The following ARSG variants were observed in gnomAD, a reference collection of about 807,000 sequenced individuals.
ARSG encodes the protein arylsulfatase G, also known as ASG.
In ARSG, 37 loss-of-function variants were observed where a neutral mutation model predicts 50.5. The observed-to-expected ratio is 0.73, with a 90% CI of 0.56 to 0.96. The LOEUF (loss-of-function observed/expected upper bound fraction) is 0.96, where lower values mean the gene tolerates loss of function less well. Ranked by LOEUF, ARSG falls within the 50% of genes least tolerant of loss-of-function variation. The probability of loss-of-function intolerance (pLI) is 0.00; values close to 1 mark genes in which losing one functional copy is unlikely to be tolerated. For missense variants in ARSG, 629 were observed against 675.3 expected (o/e 0.93, Z 0.76); for synonymous variants, 225 against 254.6 (o/e 0.88, Z 1.11).
downstream of ARSG, chr17:68,427,106 G>T (rs1231107314): frequency 6.4e-7 from 1 of 1,567,520 alleles, no homozygotes. Context: ...TGTTGGAGAT[G>T]CTCCCCTGTT....
At chr17:68,401,606 C>T (rs1358678162) in intron 11 of ARSG, among the ~76,000 whole-genome samples, 156 bp downstream of exon 11, 3 of 152,202 alleles carry the variant, frequency 2.0e-5, no homozygotes, top group African/African-American at 4.8e-5. Flanking sequence ...CCCAGGGTCC[C>T]TGCACAGGCT....
chr17:68,319,737 T>A (rs575159776), intron 2 of ARSG, among the ~76,000 whole-genome samples: 2 of 152,328 alleles, frequency 1.3e-5, no homozygotes, highest in South Asian at 4.1e-4. Flanking sequence ...AAGGGACCGA[T>A]GGCCTGATGG....
At position 68,378,529 on chromosome 17, in the gene ARSG, C is replaced by T. The variant is rs910497263; in HGVS notation, c.983-6535C>T. ...GGGGTGAGGAGAAACGGAACTGGGG[C>T]GGGGGCAGAGCAAAGCAGCCCTGCC... is the stretch of plus-strand genomic sequence containing the variant. On this transcript the variant is annotated intron_variant, in intron 8 of 11. Coordinates refer to ENST00000621439, the MANE Select transcript of ARSG (RefSeq NM_001267727.2). The surrounding 1 kb of genome is among the most constrained non-coding windows in gnomAD (Gnocchi z 4.4). Among the ~76,000 whole-genome samples the T allele has an allele frequency of 1.1e-4, 16 of 152,154 alleles. No individual in the cohort carries two copies. The highest frequency in any genetic ancestry group is 1.0e-3 in the South Asian group (5 of 4,826).
At chr17:68,315,536 A>G (rs2077036256) in intron 2 of ARSG, among the ~76,000 whole-genome samples, 1 of 152,002 alleles carries the variant, frequency 6.6e-6, no homozygotes, top group Non-Finnish European at 1.5e-5. Context: ...CAAAAAAAAA[A>G]GGAGATTGGA....
At chr17:68,328,457 G>A (rs1230504684) in intron 2 of ARSG, among the ~76,000 whole-genome samples, 2 of 152,148 alleles carry the variant, frequency 1.3e-5, no homozygotes, top group Non-Finnish European at 2.9e-5. Context: ...ACCCAGGCTT[G>A]TCTTTCCGTG....
chr17:68,273,796 T>C (rs1291000094), intron 1 of ARSG: 18 of 1,121,128 alleles, frequency 1.6e-5, no homozygotes, highest in Non-Finnish European at 2.3e-5. Context: ...ACTACTGATC[T>C]GAGACACTGT....
At chr17:68,424,309 A>T (rs1568617513), downstream of ARSG, 1 of 427,272 alleles carries the variant, frequency 2.3e-6, no homozygotes, top group Non-Finnish European at 4.7e-6. Context: ...CGCAGAGCCG[A>T]TGTGGGAAAT....
downstream of ARSG, chr17:68,425,786 CA>C (rs2083128842): frequency 2.9e-6 from 1 of 343,910 alleles, no homozygotes; most frequent in Admixed American, 4.5e-5. Flanking sequence ...GCTACAGAAG[CA>C]AAGTAAGGGA....
chr17:68,451,723 C>T, the ARSG span, among the ~76,000 whole-genome samples: 1 of 152,150 alleles, frequency 6.6e-6, no homozygotes, highest in East Asian at 1.9e-4. Context: ...TGTACTCCCC[C>T]CACCCCCTAT....
intron 9 of ARSG, among the ~76,000 whole-genome samples, chr17:68,387,788 C>T (rs1395184975): frequency 6.6e-6 from 1 of 152,162 alleles, no homozygotes; most frequent in African/African-American, 2.4e-5. Flanking sequence ...GAGCTAAAGC[C>T]AGAGTCCCTT....
downstream of ARSG, chr17:68,421,813 A>G: frequency 6.2e-7 from 1 of 1,614,210 alleles, no homozygotes; most frequent in South Asian, 1.1e-5. Context: ...TCCACGGCAC[A>G]AGATTATCTA....
At chr17:68,364,042 C>T (rs1027099427) in intron 6 of ARSG, among the ~76,000 whole-genome samples, 6 of 152,156 alleles carry the variant, frequency 3.9e-5, no homozygotes, top group African/African-American at 1.4e-4. Flanking sequence ...CACCCAGGCA[C>T]CATCTGGGGA....
chr17:68,421,991 G>C (rs888115119), downstream of ARSG: 1 of 712,786 alleles, frequency 1.4e-6, no homozygotes. Context: ...AGCTTATTTA[G>C]GTGTAGACAA....
At chr17:68,318,043 G>A (rs1372944796) in intron 2 of ARSG, among the ~76,000 whole-genome samples, 5 of 152,046 alleles carry the variant, frequency 3.3e-5, no homozygotes, top group Non-Finnish European at 5.9e-5. Context: ...AGGTTGCAGT[G>A]AGCTGAGATT....
intron 8 of ARSG, among the ~76,000 whole-genome samples, chr17:68,380,976 A>G (rs1245853353): frequency 6.6e-6 from 1 of 152,202 alleles, no homozygotes; most frequent in Non-Finnish European, 1.5e-5. Flanking sequence ...AACCACTGAC[A>G]TCAGAATTAC....
chr17:68,448,012 A>G, the ARSG span, among the ~76,000 whole-genome samples: 3 of 151,386 alleles, frequency 2.0e-5, no homozygotes, highest in African/African-American at 7.3e-5. Flanking sequence ...AAAAAGATAA[A>G]AGGGATTTTG....
chr17:68,268,800 CAA>C (rs2075233559), intron 1 of ARSG: 2 of 352,484 alleles, frequency 5.7e-6, no homozygotes, highest in Non-Finnish European at 1.0e-5. Context: ...GAATGTGAAC[CAA>C]AGAGTCTTTC....
chr17:68,423,216 A>G (rs1182567089), downstream of ARSG, among the ~76,000 whole-genome samples: 2 of 152,232 alleles, frequency 1.3e-5, no homozygotes, highest in African/African-American at 4.8e-5. The surrounding 1 kb of genome is among the most constrained non-coding windows in gnomAD (Gnocchi z 4.4). Context: ...TGCAATAGGC[A>G]TGACAATTCA....
At chr17:68,329,093 C>T (rs769345760) in intron 2 of ARSG, among the ~76,000 whole-genome samples, 30 of 152,258 alleles carry the variant, frequency 2.0e-4, no homozygotes, top group Middle Eastern at 3.4e-3. Context: ...CGGGTGTAGC[C>T]GGGTCAGGGA....
Sources: gnomAD v4.1 joint callset for allele counts (sites outside exome capture counted in the v4.1 genomes callset) on GRCh38, gnomAD v4.1.1 for gene constraint, Gnocchi (gnomAD v3.1) non-coding constraint, MANE v1.5 for transcripts, NCBI Gene and HGNC (gene_info 2026-07-23, HGNC 2026-07-21) for gene names.